The following HDX variants were observed in gnomAD, a reference collection of about 807,000 sequenced individuals.
HDX encodes chromosome X open reading frame 43.
Under a neutral mutation model 45.2 loss-of-function variants are expected in HDX, and 19 were observed. The ratio of observed to expected loss-of-function variants is 0.42; its 90% CI spans 0.29 to 0.62. The LOEUF is 0.62. Among genes scored for constraint, HDX ranks in the 20% least tolerant of loss-of-function variants. The pLI is 0.20. For synonymous variants in HDX, 188 were observed against 172.8 expected, an observed-to-expected ratio of 1.09 and a Z score of -0.69; for missense variants, 532 against 493.9, an observed-to-expected ratio of 1.08 and a Z score of -0.73.
chrX:84,348,540 G>A (rs1036863587), intron 6 of HDX, among the ~76,000 whole-genome samples: 5 of 111,104 alleles, frequency 4.5e-5, no homozygotes, highest in African/African-American at 1.6e-4. Flanking sequence ...TTTGTTTTTT[G>A]CCTTTTGTTA....
chrX:84,346,809 T>C (rs1481203469), intron 6 of HDX, among the ~76,000 whole-genome samples: 1 of 111,592 alleles, frequency 9.0e-6, no homozygotes, highest in African/African-American at 3.2e-5. Flanking sequence ...GAGGAGAATC[T>C]TTGGGGCTTC....
At position 84,468,757 on chromosome X, in the gene HDX, G is replaced by A; in HGVS notation, c.966C>T (p.Ser322=). The part of the protein sequence containing the change: ...ELASMRAQIP[S]YSRFYESGSS... Reference sequence around the variant, plus strand: ...TGCCACTTTCATAAAATCTCGAATAGCTTGGTATCTGTGCTCTCATCGATG... The same window carrying A: ...TGCCACTTTCATAAAATCTCGAATAACTTGGTATCTGTGCTCTCATCGATG... The change falls in exon 4 of 11, where the codon AGC becomes AGT. Residue 322 remains serine, a synonymous_variant. Transcript: ENST00000373177. The A allele has an allele frequency of 2.5e-6, 3 of 1,211,456 alleles. No homozygotes were observed. The highest frequency in any genetic ancestry group is 3.5e-5 in the African/African-American group (2 of 57,773).
intron 4 of HDX, among the ~76,000 whole-genome samples, chrX:84,450,110 A>AG (rs1392098328): frequency 8.9e-6 from 1 of 111,829 alleles, no homozygotes; most frequent in Non-Finnish European, 1.9e-5. Flanking sequence ...TATAATAAAA[A>AG]AAAAGGAAGG....
chrX:84,404,496 A>G lies in HDX; in HGVS notation c.1305+36036T>C, dbSNP rs772181302. Among the ~76,000 whole-genome samples the G allele has an allele frequency of 6.3e-5, 7 of 111,704 alleles. No individual in the cohort carries two copies. In the South Asian group the frequency reaches 2.6e-3, roughly 42 times the overall value. Reference sequence around the variant, plus strand: ...GATCTAAGGTTAAGAATACTGTAGCATAATACAGTACCAATTCAATTCAAT... The same window carrying G: ...GATCTAAGGTTAAGAATACTGTAGCGTAATACAGTACCAATTCAATTCAAT... On this transcript the variant is annotated intron_variant, in intron 5 of 10. Coordinates refer to ENST00000373177, the MANE Select transcript of HDX (RefSeq NM_001177479.2).
At chrX:84,457,365 G>A (rs2148109660) in intron 4 of HDX, among the ~76,000 whole-genome samples, 1 of 111,427 alleles carries the variant, frequency 9.0e-6, no homozygotes, top group South Asian at 3.7e-4. Flanking sequence ...AGAACCTTGA[G>A]AAATGTACTT....
At chrX:84,490,489 T>TA (rs1022222344) in intron 1 of HDX, among the ~76,000 whole-genome samples, 4 of 111,723 alleles carry the variant, frequency 3.6e-5, no homozygotes, top group African/African-American at 1.3e-4. Flanking sequence ...TGTTATTGCT[T>TA]AAAATGATTT....
intron 5 of HDX, among the ~76,000 whole-genome samples, chrX:84,403,055 A>G (rs2038741998): frequency 9.0e-6 from 1 of 111,324 alleles, no homozygotes; most frequent in African/African-American, 3.3e-5. Flanking sequence ...ATGCTTGCTT[A>G]GGAAATATAT....
At chrX:84,440,467 A>G (rs1260403747) in intron 5 of HDX, 65 bp downstream of exon 5, 2 of 770,608 alleles carry the variant, frequency 2.6e-6, no homozygotes, top group Non-Finnish European at 4.0e-6. Context: ...CAATTTTCTC[A>G]ATGGCATTTT....
rs1040777006 is a variant in HDX at position 84,433,590 on chromosome X, T to A, written c.1305+6942A>T. Among the ~76,000 whole-genome samples, 50 of 111,867 alleles carry A rather than the reference T, an allele frequency of 4.5e-4. 1 individual carries two copies. Among genetic ancestry groups the A allele is most frequent in the Admixed American group, 9.5e-5 (1 of 10,510 alleles). The stretch of plus-strand genomic sequence containing the variant: ...ACCATACTTTTGTGGTGACTACAGC[T>A]TTGTAGCATATTTTGACGTTTGGTA... On this transcript the variant is annotated intron_variant, in intron 5 of 10. Coordinates refer to ENST00000373177, the MANE Select transcript of HDX (RefSeq NM_001177479.2).
chrX:84,401,418 C>A (rs1318083019), intron 5 of HDX, among the ~76,000 whole-genome samples: 1 of 111,840 alleles, frequency 8.9e-6, no homozygotes, highest in Non-Finnish European at 1.9e-5. Flanking sequence ...AAACACTTCT[C>A]AAAAGAAGAC....
At chrX:84,408,499 G>GTTTTTTTTTTTTTTTTTTTT (rs1220751208) in intron 5 of HDX, among the ~76,000 whole-genome samples, 1 of 44,444 alleles carries the variant, frequency 2.3e-5, no homozygotes, top group Non-Finnish European at 3.9e-5. Context: ...CTCCAGCTTT[G>GTTTTTTTTTTTTTTTTTTTT]TTTTTTTTTT....
chrX:84,439,059 G>C (rs1408350740), intron 5 of HDX, among the ~76,000 whole-genome samples: 1 of 110,782 alleles, frequency 9.0e-6, no homozygotes, highest in Admixed American at 9.6e-5. Flanking sequence ...TTTTTCTTTT[G>C]TTTTGTTTTT....
chrX:84,469,786 A>C (rs2040422751), intron 3 of HDX, among the ~76,000 whole-genome samples: 1 of 111,877 alleles, frequency 8.9e-6, no homozygotes, highest in African/African-American at 3.2e-5. Flanking sequence ...TCAAACTTTG[A>C]AAACAGAGTG....
intron 4 of HDX, among the ~76,000 whole-genome samples, chrX:84,467,309 A>G (rs1221994338): frequency 9.0e-6 from 1 of 111,139 alleles, no homozygotes; most frequent in Non-Finnish European, 1.9e-5. Flanking sequence ...ATCCAGACAA[A>G]TCTTAAGTAT....
chrX:84,385,705 G>C (rs1039462116), intron 5 of HDX, among the ~76,000 whole-genome samples: 1 of 110,356 alleles, frequency 9.1e-6, no homozygotes, highest in Non-Finnish European at 1.9e-5. Flanking sequence ...CATGGATTTT[G>C]TATCCTGAAA....
intron 5 of HDX, among the ~76,000 whole-genome samples, chrX:84,418,036 AAAC>A (rs1489115378): frequency 3.6e-5 from 4 of 112,026 alleles, no homozygotes; most frequent in Non-Finnish European, 7.5e-5. Context: ...TCTGAAGAAA[AAAC>A]AACTACTGAA....
intron 4 of HDX, among the ~76,000 whole-genome samples, chrX:84,445,225 T>G (rs1431774963): frequency 9.0e-6 from 1 of 111,728 alleles, no homozygotes; most frequent in African/African-American, 3.2e-5. Flanking sequence ...GCCAGGAAAA[T>G]GGAGTATTTG....
At position 84,321,856 on chromosome X, in the gene HDX, A is replaced by G; in HGVS notation, c.*33T>C. ...GAAATGCACACCTGTTACGAAGCCAAAAGACTGTATCATATATTCCCTCCA... is the reference window on the plus strand; with the variant it reads ...GAAATGCACACCTGTTACGAAGCCAGAAGACTGTATCATATATTCCCTCCA... On this transcript the variant is annotated 3_prime_UTR_variant, in exon 11 of 11. Coordinates refer to ENST00000373177, the MANE Select transcript of HDX (RefSeq NM_001177479.2). 8.7e-7 allele frequency: 1 copy of G among 1,145,852 alleles called. No homozygotes were observed. The highest frequency in any genetic ancestry group is 1.2e-6 in the Non-Finnish European group (1 of 855,011). The allele number at this position is 1,145,852 out of a possible 1,213,427, so 94.4% of individuals were successfully genotyped here.
chrX:84,365,095 ATTTC>A (rs2037717316), intron 5 of HDX, among the ~76,000 whole-genome samples: 1 of 93,202 alleles, frequency 1.1e-5, no homozygotes, highest in Non-Finnish European at 2.0e-5. Context: ...TGATATCCTG[ATTTC>A]TTTTTTTTTC....
Sources: allele counts gnomAD v4.1 joint callset (sites outside exome capture counted in the v4.1 genomes callset), GRCh38; gene constraint gnomAD v4.1.1; transcripts MANE v1.5; gene names NCBI Gene and HGNC (gene_info 2026-07-23, HGNC 2026-07-21).